CSMD2: variants seen among roughly 807,000 people sequenced by gnomAD.
CSMD2 encodes CUB and Sushi multiple domains 2, also known as CUB and sushi domain-containing protein 2.
CSMD2 carries 130 observed loss-of-function variants against 398.5 expected under a neutral mutation model. The ratio of observed to expected loss-of-function variants is 0.33; its 90% confidence interval spans 0.28 to 0.38. The LOEUF is 0.38. Among genes scored for constraint, CSMD2 ranks in the 10% least tolerant of loss-of-function variants. The probability of loss-of-function intolerance (pLI) is 1.00; values close to 1 mark genes in which losing one functional copy is unlikely to be tolerated. For missense variants in CSMD2, 3,829 were observed against 4,764.9 expected (o/e 0.80, Z 5.78); for synonymous variants, 1,828 against 1,908.5 (o/e 0.96, Z 1.10).
At chr1:33,770,119 G>C (rs1172062296) in intron 13 of CSMD2, among the ~76,000 whole-genome samples, 2 of 152,150 alleles carry the variant, frequency 1.3e-5, no homozygotes, top group Non-Finnish European at 2.9e-5. Context: ...GTAGCTTCCA[G>C]GTATTTATTG....
chr1:33,938,278 C>A (rs1377860472), intron 3 of CSMD2, among the ~76,000 whole-genome samples: 1 of 151,784 alleles, frequency 6.6e-6, no homozygotes, highest in African/African-American at 2.4e-5. Flanking sequence ...TTCCCATGAT[C>A]CTGTGCTGCT....
chr1:33,830,065 C>A lies in CSMD2; in HGVS notation c.1034-4291G>T, dbSNP rs1659333656. On this transcript the variant is annotated intron_variant, in intron 6 of 70. Coordinates refer to ENST00000373381, the MANE Select transcript of CSMD2 (RefSeq NM_001281956.2). Reference sequence around the variant, plus strand: ...GGAGGCCTGCCTGCCTCTGTAGGCTCCACCTCTGGGGGCAGGGCACAGACA... The same window carrying A: ...GGAGGCCTGCCTGCCTCTGTAGGCTACACCTCTGGGGGCAGGGCACAGACA... 2.6e-5 allele frequency among the ~76,000 whole-genome samples: 4 copies of A among 152,218 alleles called. No homozygotes were observed. The South Asian group carries it at 8.3e-4, about 32-fold the overall frequency.
chr1:34,094,354 C>T (rs1397021521), intron 1 of CSMD2, among the ~76,000 whole-genome samples: 11 of 151,680 alleles, frequency 7.3e-5, no homozygotes, highest in Admixed American at 2.0e-4. Flanking sequence ...CATCAACTAA[C>T]GAGCAAAATA....
intron 12 of CSMD2, among the ~76,000 whole-genome samples, chr1:33,787,143 C>A (rs1031098253): frequency 1.3e-5 from 2 of 152,162 alleles, no homozygotes; most frequent in East Asian, 3.9e-4. Flanking sequence ...AGCAAGGACT[C>A]ACAGCCACCA....
At chr1:34,136,058 A>G (rs908559878) in intron 1 of CSMD2, among the ~76,000 whole-genome samples, 1 of 152,164 alleles carries the variant, frequency 6.6e-6, no homozygotes, top group Non-Finnish European at 1.5e-5. Context: ...AGAGAGAGGC[A>G]TGGCTGGAAG....
chr1:33,787,861 G>A (rs765355627), intron 12 of CSMD2, among the ~76,000 whole-genome samples: 3 of 152,140 alleles, frequency 2.0e-5, no homozygotes, highest in Non-Finnish European at 2.9e-5. Context: ...AGCAAGAGAT[G>A]AAGACTCTTG....
At chr1:34,004,879 T>C (rs1647011059) in intron 3 of CSMD2, among the ~76,000 whole-genome samples, 1 of 152,224 alleles carries the variant, frequency 6.6e-6, no homozygotes, top group Non-Finnish European at 1.5e-5. Context: ...CATCTGGCTC[T>C]GGACTTGCCA....
chr1:33,724,124 T>C (rs577785841), intron 19 of CSMD2, 73 bp downstream of exon 19: 25 of 1,038,556 alleles, frequency 2.4e-5, no homozygotes, highest in Non-Finnish European at 3.6e-5. Flanking sequence ...CCCATTGAGG[T>C]CAACTTGACC....
chr1:33,836,982 T>C (rs987603833), intron 6 of CSMD2, among the ~76,000 whole-genome samples: 2 of 152,216 alleles, frequency 1.3e-5, no homozygotes, highest in African/African-American at 2.4e-5. Context: ...ACTGGAGCTG[T>C]TCCTATTCGG....
At chr1:33,805,107 A>G (rs925420265) in intron 10 of CSMD2, among the ~76,000 whole-genome samples, 10 of 152,350 alleles carry the variant, frequency 6.6e-5, no homozygotes, top group African/African-American at 2.4e-4. Context: ...GTCTCCACAC[A>G]CTGACCAAGG....
chr1:34,004,862 T>C (rs752632013), intron 3 of CSMD2, among the ~76,000 whole-genome samples: 11 of 152,068 alleles, frequency 7.2e-5, no homozygotes, highest in Non-Finnish European at 1.3e-4. Flanking sequence ...GTTCTGAGAG[T>C]GTTCCCCATC....
rs200023978 is a variant in CSMD2, at chr1:33,583,665, T to C, written c.7217A>G (p.Tyr2406Cys). The C allele has an allele frequency of 9.9e-6, 16 of 1,614,102 alleles. No homozygotes were observed. The Admixed American group carries it at 2.5e-4, about 25-fold the overall frequency. ...ACCATCAAAAATCTCAAACTCATCATATTGCTTCTCGCTGAGGAAGTACTC... is the reference window on the plus strand; with the variant it reads ...ACCATCAAAAATCTCAAACTCATCACATTGCTTCTCGCTGAGGAAGTACTC... ...TVEYFLSEKQ[Y>C]DEFEIFDGPS... Residue 2406 changes from tyrosine to cysteine, a missense_variant, in exon 47 of 71, where the codon TAT becomes TGT. Around this residue, in one of 5 missense-constraint regions of CSMD2, gnomAD observed 723 missense variants for 758.6 expected, o/e 0.95. Transcript: ENST00000373381.
chr1:33,825,158 C>CA (rs397796829), intron 7 of CSMD2, among the ~76,000 whole-genome samples: 1 of 151,950 alleles, frequency 6.6e-6, no homozygotes, highest in Non-Finnish European at 1.5e-5. Context: ...AGAGAGCCCC[C>CA]AGTGCCTCCC....
rs58801364 is a variant in CSMD2, at chr1:34,028,494, C to A, written c.517+4100G>T. ...ATCTCTTGTTGCCTCCATGGATGAC[C>A]CACACCAGCCTGGAAGTTCCCACAT... is the stretch of plus-strand genomic sequence containing the variant. On this transcript the variant is annotated intron_variant, in intron 3 of 70. Transcript: ENST00000373381. 1.1e-3 allele frequency among the ~76,000 whole-genome samples: 166 copies of A among 152,234 alleles called. 4 individuals carry two copies. The East Asian group carries it at 0.025, about 22-fold the overall frequency.
chr1:33,918,324 C>T (rs771457419), intron 4 of CSMD2, 23 bp from the exon 5 acceptor site: 1 of 1,608,168 alleles, frequency 6.2e-7, no homozygotes, highest in Non-Finnish European at 8.5e-7. Context: ...AGAGAAGAGG[C>T]TTACATGAGT....
intron 11 of CSMD2, among the ~76,000 whole-genome samples, chr1:33,790,801 A>ATATGTATCTATC (rs1553207633): frequency 6.7e-6 from 1 of 148,448 alleles, no homozygotes; most frequent in Admixed American, 6.7e-5. Flanking sequence ...CATCTCTCTA[A>ATATGTATCTATC]TATCTATCTA....
intron 3 of CSMD2, among the ~76,000 whole-genome samples, chr1:34,022,069 A>C (rs1648963241): frequency 6.6e-6 from 1 of 152,176 alleles, no homozygotes; most frequent in Non-Finnish European, 1.5e-5. Context: ...CTTGAGCCTA[A>C]ATCTCTTTTC....
rs750997128 is a variant in CSMD2 at position 33,782,397 on chromosome 1, T to C, written c.1663+6203A>G. On this transcript the variant is annotated intron_variant, in intron 12 of 70. Transcript: ENST00000373381. ...ACTAAATGTCAGGCCCTATGCTGGG[T>C]GCTTGACTATACTGAGTCCTCATGA... Among the ~76,000 whole-genome samples, 118 of 152,120 alleles carry C rather than the reference T, an allele frequency of 7.8e-4. 1 individual carries two copies. The highest frequency in any genetic ancestry group is 1.0e-3 in the Non-Finnish European group (71 of 68,012).
intron 13 of CSMD2, among the ~76,000 whole-genome samples, chr1:33,753,938 A>T (rs1648626199): frequency 6.6e-6 from 1 of 152,196 alleles, no homozygotes; most frequent in Non-Finnish European, 1.5e-5. Context: ...ACACCATTGT[A>T]TCTGGGAAGT....
Sources: allele counts gnomAD v4.1 joint callset (sites outside exome capture counted in the v4.1 genomes callset), GRCh38; gene constraint gnomAD v4.1.1; regional missense constraint gnomAD v4.1.1; transcripts MANE v1.5; gene names NCBI Gene and HGNC (gene_info 2026-07-23, HGNC 2026-07-21).